The following SHTN1 variants were observed in gnomAD, a reference collection of about 807,000 sequenced individuals.
SHTN1 encodes the protein shootin-1.
SHTN1 carries 42 observed loss-of-function variants against 83.1 expected under a neutral mutation model. The observed-to-expected ratio is 0.51, with a 90% confidence interval of 0.39 to 0.65. The LOEUF (loss-of-function observed/expected upper bound fraction) is 0.65, where lower values mean the gene tolerates loss of function less well. Among genes scored for constraint, SHTN1 ranks in the 30% least tolerant of loss-of-function variants. SHTN1 has a pLI of 0.00. For synonymous variants in SHTN1, 224 were observed against 247.7 expected (o/e 0.90, Z 0.90); for missense variants, 622 against 737.8 (o/e 0.84, Z 1.82).
chr10:117,098,388 C>A (rs1312601173), intron 1 of SHTN1, among the ~76,000 whole-genome samples: 7 of 109,130 alleles, frequency 6.4e-5, no homozygotes, highest in East Asian at 2.7e-4. Context: ...CCGAGGGACA[C>A]TCCGTCTCAA....
intron 12 of SHTN1, 93 bp from the exon 13 acceptor site, chr10:116,915,577 T>G: frequency 1.4e-6 from 1 of 691,716 alleles, no homozygotes; most frequent in South Asian, 1.9e-5. Context: ...ACTATGCAAT[T>G]AATCACAGTC....
chr10:117,111,260 A>G (rs1853764052), intron 1 of SHTN1, among the ~76,000 whole-genome samples: 1 of 152,062 alleles, frequency 6.6e-6, no homozygotes, highest in South Asian at 2.1e-4. Context: ...CTGATTCAAC[A>G]GGTTTGAGAT....
intron 2 of SHTN1, among the ~76,000 whole-genome samples, chr10:117,032,970 T>C (rs774864937): frequency 5.3e-5 from 8 of 152,012 alleles, no homozygotes; most frequent in Admixed American, 2.0e-4. Context: ...AAGAAGGAAA[T>C]TGAAAAATTT....
chr10:116,883,318 T>C lies in SHTN1; in HGVS notation c.*3026A>G, dbSNP rs1054915459. On this transcript the variant is annotated 3_prime_UTR_variant, in exon 17 of 17. Transcript: ENST00000355371. Reference sequence around the variant, plus strand: ...TATTTATATAACTGTATATATAATATTATCTGTGAAAGAAATGAAAGAAAC... The same window carrying C: ...TATTTATATAACTGTATATATAATACTATCTGTGAAAGAAATGAAAGAAAC... The C allele has an allele frequency of 6.6e-6, 1 of 152,126 alleles. No homozygotes were observed. The highest frequency in any genetic ancestry group is 1.9e-4 in the East Asian group (1 of 5,192). 9.4% of individuals were successfully genotyped at this position (152,126 alleles called of 1,614,324 possible).
In SHTN1 at chr10:116,885,705, G is replaced by A. The variant is rs758256121; in HGVS notation, c.*639C>T. On this transcript the variant is annotated 3_prime_UTR_variant, in exon 17 of 17. Transcript: ENST00000355371. ...AGGCTACCAGAGCATCCCCACGGAG[G>A]TCCTCGGGAGGCTTTGGACACAATC... The A allele has an allele frequency of 6.6e-6, 1 of 152,240 alleles. No individual in the cohort carries two copies. Among genetic ancestry groups the A allele is most frequent in the Non-Finnish European group, 1.5e-5 (1 of 68,158 alleles). 9.4% of individuals were successfully genotyped at this position (152,240 alleles called of 1,614,324 possible). A position where few individuals can be genotyped will look rare whatever the true frequency, so the allele number is the denominator to read the frequency against.
intron 6 of SHTN1, 42 bp from the exon 7 acceptor site, chr10:116,949,039 G>T (rs908914162): frequency 7.4e-6 from 11 of 1,478,320 alleles, no homozygotes; most frequent in Non-Finnish European, 9.0e-7. Context: ...ACCAAAAATT[G>T]TAAAACAGGA....
At chr10:116,887,458 T>G (rs1213338295) in intron 16 of SHTN1, among the ~76,000 whole-genome samples, 1 of 152,148 alleles carries the variant, frequency 6.6e-6, no homozygotes, top group Non-Finnish European at 1.5e-5. Flanking sequence ...CAGGCCTTTT[T>G]GTCCCTGAGA....
chr10:116,899,414 A>T (rs1321352615), intron 16 of SHTN1, among the ~76,000 whole-genome samples: 2 of 151,984 alleles, frequency 1.3e-5, no homozygotes, highest in Admixed American at 6.6e-5. Context: ...CTTAGAGAAG[A>T]CCATACTAGG....
chr10:117,100,799 A>G (rs1853580418), intron 1 of SHTN1, among the ~76,000 whole-genome samples: 1 of 152,222 alleles, frequency 6.6e-6, no homozygotes, highest in South Asian at 2.1e-4. Context: ...TGGCTCGGCA[A>G]AAAATTGAGG....
intron 9 of SHTN1, 102 bp downstream of exon 9, chr10:116,940,364 G>A: frequency 8.3e-7 from 1 of 1,201,902 alleles, no homozygotes; most frequent in Non-Finnish European, 1.1e-6. Context: ...ATATGAAACA[G>A]TAAATGACTG....
chr10:117,001,980 A>G (rs1851835908), intron 1 of SHTN1, among the ~76,000 whole-genome samples: 1 of 152,230 alleles, frequency 6.6e-6, no homozygotes, highest in Admixed American at 6.5e-5. Context: ...AGAGCAATGC[A>G]AATCTTAAAA....
intron 16 of SHTN1, among the ~76,000 whole-genome samples, chr10:116,898,394 CAGTGAAT>C (rs1847597906): frequency 6.6e-6 from 1 of 151,836 alleles, no homozygotes; most frequent in Non-Finnish European, 1.5e-5. Flanking sequence ...TGGCCTGAAT[CAGTGAAT>C]AAAATATCTT....
chr10:117,048,338 T>C (rs1256972470), intron 2 of SHTN1: 3 of 287,350 alleles, frequency 1.0e-5, no homozygotes, highest in African/African-American at 2.3e-5. Flanking sequence ...TCAACACTCA[T>C]TCACAAAGAG....
At chr10:116,927,540 T>A (rs116552194) in intron 11 of SHTN1, among the ~76,000 whole-genome samples, 3,436 of 152,218 alleles carry the variant, frequency 0.023, 122 homozygotes, top group African/African-American at 0.078. Flanking sequence ...TGAGATTCAC[T>A]ATCATGAGAA....
At chr10:117,005,241 G>C, upstream of SHTN1, 1 of 1,485,376 alleles carries the variant, frequency 6.7e-7, no homozygotes, top group South Asian at 1.3e-5. Context: ...GCGCGAGTGA[G>C]ATCATCCCCA....
chr10:116,968,768 A>C, intron 2 of SHTN1, 56 bp from the exon 3 acceptor site: 1 of 1,402,676 alleles, frequency 7.1e-7, no homozygotes, highest in East Asian at 2.3e-5. Flanking sequence ...TTAAGTTTGA[A>C]AAGGCAAGCA....
At chr10:117,125,961 G>C (rs1386332083) in intron 1 of SHTN1, among the ~76,000 whole-genome samples, 1 of 152,290 alleles carries the variant, frequency 6.6e-6, no homozygotes, top group South Asian at 2.1e-4. Context: ...GCAAGGGAAG[G>C]AAACCAAAAC....
intron 12 of SHTN1, among the ~76,000 whole-genome samples, chr10:116,919,020 TAA>T (rs1210411303): frequency 2.0e-5 from 3 of 151,982 alleles, no homozygotes; most frequent in South Asian, 2.1e-4. Context: ...AAGTAAGGAG[TAA>T]AAGTTTCCCT....
intron 2 of SHTN1, among the ~76,000 whole-genome samples, chr10:117,029,564 T>C (rs1288403949): frequency 2.0e-5 from 3 of 152,154 alleles, no homozygotes; most frequent in Non-Finnish European, 4.4e-5. Context: ...TGGGAGGTGA[T>C]TGAATCATGG....
Sources: gnomAD v4.1 joint callset for allele counts (sites outside exome capture counted in the v4.1 genomes callset) on GRCh38, gnomAD v4.1.1 for gene constraint, MANE v1.5 for transcripts, NCBI Gene and HGNC (gene_info 2026-07-23, HGNC 2026-07-21) for gene names.